LSAMP: variants seen among roughly 807,000 people sequenced by gnomAD.
The protein encoded by LSAMP is limbic system associated membrane protein.
A neutral mutation model predicts 38.6 loss-of-function variants in LSAMP; 7 were observed. The ratio of observed to expected loss-of-function variants is 0.18; its 90% CI spans 0.10 to 0.34. The LOEUF (loss-of-function observed/expected upper bound fraction) is 0.34. Among genes scored for constraint, LSAMP ranks in the 10% least tolerant of loss-of-function variants. The pLI, the probability that LSAMP is intolerant of heterozygous loss-of-function variation, is 1.00. For missense variants in LSAMP, 313 were observed against 420.0 expected, an observed-to-expected ratio of 0.75 and a Z score of 2.23; for synonymous variants, 154 against 166.8, an observed-to-expected ratio of 0.92 and a Z score of 0.59.
At chr3:115,992,413 A>G (rs1559911499) in intron 3 of LSAMP, among the ~76,000 whole-genome samples, 1 of 152,008 alleles carries the variant, frequency 6.6e-6, no homozygotes, top group Admixed American at 6.6e-5. Context: ...GGTCTTCTTT[A>G]TAGTTTTGAA....
At chr3:116,232,355 G>A (rs1044227028) in intron 1 of LSAMP, among the ~76,000 whole-genome samples, 26 of 152,020 alleles carry the variant, frequency 1.7e-4, no homozygotes, top group African/African-American at 6.0e-4. Context: ...TCAATCCCAC[G>A]GATTATAAAA....
intron 3 of LSAMP, among the ~76,000 whole-genome samples, chr3:115,873,076 G>GCTTT (rs1936089579): frequency 6.6e-6 from 1 of 152,008 alleles, no homozygotes; most frequent in African/African-American, 2.4e-5. Flanking sequence ...GTGGAATCAA[G>GCTTT]ATTTAAATTC....
At chr3:116,420,080 TTCTTTTTC>T (rs989611691) in intron 1 of LSAMP, among the ~76,000 whole-genome samples, 1 of 152,018 alleles carries the variant, frequency 6.6e-6, no homozygotes, top group African/African-American at 2.4e-5. Flanking sequence ...GACCTATTTT[TTCTTTTTC>T]TCTTTTTCTT....
intron 1 of LSAMP, among the ~76,000 whole-genome samples, chr3:116,103,919 C>A (rs544046611): frequency 6.6e-6 from 1 of 152,032 alleles, no homozygotes; most frequent in African/African-American, 2.4e-5. Context: ...TATCATTGTA[C>A]CTTTGTATAA....
intron 1 of LSAMP, among the ~76,000 whole-genome samples, chr3:116,103,464 CAAAAAAAAAAA>C (rs59732794): frequency 9.3e-5 from 4 of 42,830 alleles, no homozygotes; most frequent in Admixed American, 5.3e-4. Context: ...GACTCCTTCT[CAAAAAAAAAAA>C]AAAAAAAAAA....
chr3:115,861,343 C>T (rs907847478), intron 3 of LSAMP, among the ~76,000 whole-genome samples: 2 of 151,988 alleles, frequency 1.3e-5, no homozygotes, highest in Non-Finnish European at 2.9e-5. Context: ...TGAGTACTAA[C>T]GTGTATTTTG....
At chr3:116,354,843 A>ATGTGTGTGTG (rs776649270) in intron 1 of LSAMP, among the ~76,000 whole-genome samples, 1 of 104,280 alleles carries the variant, frequency 9.6e-6, no homozygotes, top group African/African-American at 3.7e-5. Context: ...CTGGGTGTAT[A>ATGTGTGTGTG]TATGTGTGTG....
intron 1 of LSAMP, among the ~76,000 whole-genome samples, chr3:116,177,645 T>C (rs1463017674): frequency 6.6e-6 from 1 of 152,168 alleles, no homozygotes; most frequent in Non-Finnish European, 1.5e-5. Flanking sequence ...ATGAGAAGTA[T>C]AATCAACCTT....
chr3:116,313,238 C>G (rs2047582579), intron 1 of LSAMP, among the ~76,000 whole-genome samples: 1 of 152,204 alleles, frequency 6.6e-6, no homozygotes, highest in Non-Finnish European at 1.5e-5. Context: ...CTCGGCAGTA[C>G]TCTGTTGGAG....
At chr3:116,264,987 T>G (rs981004859) in intron 1 of LSAMP, among the ~76,000 whole-genome samples, 4 of 152,162 alleles carry the variant, frequency 2.6e-5, no homozygotes, top group African/African-American at 9.7e-5. Context: ...ATTTGGTTTT[T>G]CCTGTGAGCA....
intron 3 of LSAMP, among the ~76,000 whole-genome samples, chr3:115,902,208 A>G (rs555681620): frequency 6.6e-6 from 1 of 152,128 alleles, no homozygotes; most frequent in African/African-American, 2.4e-5. Context: ...AGAATAGCTC[A>G]TAGAAATATA....
chr3:116,206,728 T>C (rs1206853329), intron 1 of LSAMP, among the ~76,000 whole-genome samples: 1 of 152,014 alleles, frequency 6.6e-6, no homozygotes, highest in Non-Finnish European at 1.5e-5. Flanking sequence ...GTGAGATTCT[T>C]AATTCTGAGT....
chr3:116,132,628 G>A (rs904717597), intron 1 of LSAMP, among the ~76,000 whole-genome samples: 21 of 151,944 alleles, frequency 1.4e-4, no homozygotes, highest in African/African-American at 3.6e-4. Context: ...CTTTTCTCTC[G>A]TTTTTTTCTT....
intron 6 of LSAMP, among the ~76,000 whole-genome samples, chr3:115,832,023 A>G (rs1354608625): frequency 3.3e-5 from 5 of 152,090 alleles, no homozygotes; most frequent in Non-Finnish European, 7.4e-5. Flanking sequence ...AATGCATTTG[A>G]TTTATTGAGG....
chr3:116,358,722 C>G (rs542924827), intron 1 of LSAMP, among the ~76,000 whole-genome samples: 3 of 151,986 alleles, frequency 2.0e-5, no homozygotes, highest in Non-Finnish European at 2.9e-5. Context: ...CTGACTGAAT[C>G]ATTTGTACCA....
At chr3:116,272,239 C>T (rs2046984125) in intron 1 of LSAMP, among the ~76,000 whole-genome samples, 1 of 152,076 alleles carries the variant, frequency 6.6e-6, no homozygotes. Context: ...TGAACACGGA[C>T]TTATCCTGAG....
intron 2 of LSAMP, among the ~76,000 whole-genome samples, chr3:116,048,610 T>C (rs976668682): frequency 1.3e-5 from 2 of 152,234 alleles, no homozygotes; most frequent in Non-Finnish European, 2.9e-5. Context: ...ACTTTTGCAT[T>C]CACACTACCC....
intron 1 of LSAMP, among the ~76,000 whole-genome samples, chr3:116,415,510 A>G (rs1048750450): frequency 6.6e-6 from 1 of 152,138 alleles, no homozygotes; most frequent in African/African-American, 2.4e-5. Flanking sequence ...TTCAACATGC[A>G]TAACAAAATG....
intron 2 of LSAMP, among the ~76,000 whole-genome samples, chr3:116,032,035 T>A (rs546651929): frequency 6.6e-6 from 1 of 152,230 alleles, no homozygotes; most frequent in African/African-American, 2.4e-5. Flanking sequence ...AGGTACATAA[T>A]GTCATTCATG....
Sources: gnomAD v4.1 joint callset for allele counts (sites outside exome capture counted in the v4.1 genomes callset) on GRCh38, gnomAD v4.1.1 for gene constraint, MANE v1.5 for transcripts, NCBI Gene and HGNC (gene_info 2026-07-23, HGNC 2026-07-21) for gene names.